CTNND2: variants seen among roughly 807,000 people sequenced by gnomAD.
CTNND2 encodes the protein catenin delta 2.
Under a neutral mutation model 144.4 loss-of-function variants are expected in CTNND2, and 22 were observed. The observed-to-expected ratio is 0.15, with a 90% CI of 0.11 to 0.22. CTNND2 has a LOEUF of 0.22. Ranked by LOEUF, CTNND2 falls within the 10% of genes least tolerant of loss-of-function variation. The pLI, the probability that CTNND2 is intolerant of heterozygous loss-of-function variation, is 1.00. For synonymous variants in CTNND2, 751 were observed against 695.6 expected, an observed-to-expected ratio of 1.08 and a Z score of -1.25; for missense variants, 1,353 against 1,618.8, an observed-to-expected ratio of 0.84 and a Z score of 2.82.
At chr5:11,197,237 T>C (rs922901687) in intron 11 of CTNND2, among the ~76,000 whole-genome samples, 5 of 152,220 alleles carry the variant, frequency 3.3e-5, no homozygotes, top group Non-Finnish European at 5.9e-5. Flanking sequence ...TTCTGATATG[T>C]TTTTCTTTGA....
chr5:11,319,873 T>A (rs1221954454), intron 9 of CTNND2, among the ~76,000 whole-genome samples: 2 of 152,206 alleles, frequency 1.3e-5, no homozygotes, highest in East Asian at 1.9e-4. Context: ...TTTTTGGATT[T>A]TCTTCAGCTG....
chr5:11,648,517 T>G (rs1782478019), intron 2 of CTNND2, among the ~76,000 whole-genome samples: 1 of 152,158 alleles, frequency 6.6e-6, no homozygotes, highest in Non-Finnish European at 1.5e-5. Context: ...TGGAAAGTCC[T>G]CCCCAAAATT....
intron 18 of CTNND2, among the ~76,000 whole-genome samples, chr5:11,004,490 G>A (rs1286860142): frequency 7.2e-5 from 11 of 152,184 alleles, no homozygotes; most frequent in African/African-American, 4.8e-5. Flanking sequence ...CAGGCCGGGC[G>A]CAGTGGCTAA....
chr5:11,902,251 G>A (rs747554710), intron 1 of CTNND2, among the ~76,000 whole-genome samples: 2 of 152,150 alleles, frequency 1.3e-5, no homozygotes, highest in Non-Finnish European at 2.9e-5. Flanking sequence ...TCTCCGTATG[G>A]CAACCATATG....
intron 9 of CTNND2, among the ~76,000 whole-genome samples, chr5:11,239,272 C>A (rs1475854368): frequency 6.6e-6 from 1 of 152,274 alleles, no homozygotes; most frequent in Non-Finnish European, 1.5e-5. Context: ...CATGCGTGCA[C>A]CTGTGCACAT....
chr5:11,625,273 G>C (rs777895840), intron 2 of CTNND2, among the ~76,000 whole-genome samples: 1 of 152,002 alleles, frequency 6.6e-6, no homozygotes, highest in Non-Finnish European at 1.5e-5. Flanking sequence ...CTAAAAGTTT[G>C]AATATGACAT....
chr5:10,983,057 C>G (rs1737494504), intron 20 of CTNND2, among the ~76,000 whole-genome samples: 1 of 152,048 alleles, frequency 6.6e-6, no homozygotes, highest in African/African-American at 2.4e-5. Context: ...TAGAAAAATA[C>G]AGTTAGAAGA....
In CTNND2 at chr5:11,547,861, A is replaced by G. The variant is rs576026404; in HGVS notation, c.287+17083T>C. Among the ~76,000 whole-genome samples, 22 of 152,332 alleles carry G rather than the reference A, an allele frequency of 1.4e-4. 1 individual carries two copies. The highest frequency in any genetic ancestry group is 5.1e-4 in the African/African-American group (21 of 41,572). ...ATGGAGAGAAGTTGAGGATGTTCCA[A>G]TCCTACAACCCAGTCATTTCTCTTC... On this transcript the variant is annotated intron_variant, in intron 3 of 21. Transcript: ENST00000304623.
At chr5:11,364,114 T>G (rs1756730885) in intron 8 of CTNND2, among the ~76,000 whole-genome samples, 1 of 152,238 alleles carries the variant, frequency 6.6e-6, no homozygotes, top group African/African-American at 2.4e-5. Context: ...TGTGGTTGTA[T>G]TCAATTGAAA....
chr5:11,422,715 G>A (rs567819878), intron 3 of CTNND2, among the ~76,000 whole-genome samples: 2 of 152,184 alleles, frequency 1.3e-5, no homozygotes, highest in Non-Finnish European at 2.9e-5. Flanking sequence ...GAATTAGCCA[G>A]AGGCTCAGTC....
rs12514055 is a variant in CTNND2 at position 11,102,949 on chromosome 5, G to A, written c.2464-4201C>T. On this transcript the variant is annotated intron_variant, in intron 14 of 21. Transcript: ENST00000304623. ...TTTAAATACTTTTGCTTCCATGCAG[G>A]GCTTAAATTCTATTTAAAAGATTTT... 3.1e-3 allele frequency among the ~76,000 whole-genome samples: 462 copies of A among 149,828 alleles called. 2 individuals are homozygous for A. Among genetic ancestry groups the A allele is most frequent in the South Asian group, 0.01 (47 of 4,640 alleles).
chr5:11,289,555 G>T (rs1271937684), intron 9 of CTNND2, among the ~76,000 whole-genome samples: 1 of 152,086 alleles, frequency 6.6e-6, no homozygotes, highest in Non-Finnish European at 1.5e-5. Context: ...CTCCTGCAGA[G>T]CCAACTGCTC....
intron 9 of CTNND2, among the ~76,000 whole-genome samples, chr5:11,331,644 A>G (rs1753151132): frequency 6.6e-6 from 1 of 152,206 alleles, no homozygotes; most frequent in African/African-American, 2.4e-5. Context: ...ATTTGTACTT[A>G]GAACATATTT....
chr5:11,879,688 A>T (rs1167584915), intron 1 of CTNND2, among the ~76,000 whole-genome samples: 2 of 152,136 alleles, frequency 1.3e-5, no homozygotes, highest in African/African-American at 4.8e-5. Context: ...TTTTTTACTA[A>T]TAAAAACTAT....
intron 1 of CTNND2, among the ~76,000 whole-genome samples, chr5:11,812,023 T>A (rs895656267): frequency 6.6e-5 from 10 of 152,278 alleles, no homozygotes; most frequent in Middle Eastern, 3.4e-3. Flanking sequence ...AATAAAAACA[T>A]GGTAATGTAG....
chr5:11,700,373 G>C (rs536153981), intron 2 of CTNND2, among the ~76,000 whole-genome samples: 19 of 152,278 alleles, frequency 1.2e-4, no homozygotes, highest in Admixed American at 3.9e-4. Flanking sequence ...CTGGGCAACA[G>C]AGTGAGACTC....
At chr5:11,419,522 A>G (rs1333399678) in intron 3 of CTNND2, among the ~76,000 whole-genome samples, 1 of 152,216 alleles carries the variant, frequency 6.6e-6, no homozygotes, top group Non-Finnish European at 1.5e-5. Context: ...GAGACAACTG[A>G]CAGTGTCATT....
At chr5:11,784,864 T>C (rs1289418021) in intron 1 of CTNND2, among the ~76,000 whole-genome samples, 1 of 152,228 alleles carries the variant, frequency 6.6e-6, no homozygotes, top group Non-Finnish European at 1.5e-5. Flanking sequence ...TTCAGTCTAA[T>C]GACACCTTAA....
At chr5:11,479,927 G>C (rs1353500639) in intron 3 of CTNND2, among the ~76,000 whole-genome samples, 1 of 152,078 alleles carries the variant, frequency 6.6e-6, no homozygotes, top group Non-Finnish European at 1.5e-5. Context: ...AAGATGCATA[G>C]TTTGCAAATA....
Sources: allele counts gnomAD v4.1 joint callset (sites outside exome capture counted in the v4.1 genomes callset), GRCh38; gene constraint gnomAD v4.1.1; transcripts MANE v1.5; gene names NCBI Gene and HGNC (gene_info 2026-07-23, HGNC 2026-07-21).